COMMD1: variants seen among roughly 807,000 people sequenced by gnomAD.
COMMD1 encodes copper metabolism domain containing 1, also known as COMM domain-containing protein 1.
Under a neutral mutation model 17.2 loss-of-function variants are expected in COMMD1, and 10 were observed. That is an observed-to-expected ratio of 0.58 (90% CI 0.36 to 0.99). The LOEUF is 0.99. Ranked by LOEUF, COMMD1 falls within the 50% of genes least tolerant of loss-of-function variation. The probability of loss-of-function intolerance (pLI) is 0.01; values close to 1 mark genes in which losing one functional copy is unlikely to be tolerated. For synonymous variants in COMMD1, 97 were observed against 91.6 expected, an observed-to-expected ratio of 1.06 and a Z score of -0.34; for missense variants, 270 against 231.8, an observed-to-expected ratio of 1.17 and a Z score of -1.07.
chr2:62,110,803 G>C (rs900439374), intron 2 of COMMD1, among the ~76,000 whole-genome samples: 1 of 152,076 alleles, frequency 6.6e-6, no homozygotes, highest in African/African-American at 2.4e-5. Context: ...AAAAAATACA[G>C]ATTAACAAGA....
intron 2 of COMMD1, among the ~76,000 whole-genome samples, chr2:62,099,680 G>A (rs952207324): frequency 4.6e-5 from 7 of 151,648 alleles, no homozygotes; most frequent in African/African-American, 1.2e-4. Context: ...ACACTGAGTC[G>A]TTTCTACCCT....
intron 2 of COMMD1, among the ~76,000 whole-genome samples, chr2:62,061,090 T>C (rs1410279694): frequency 6.6e-6 from 1 of 152,334 alleles, no homozygotes; most frequent in Middle Eastern, 3.4e-3. Context: ...TTTTGAGATT[T>C]CCTATCTGTG....
At chr2:61,969,009 T>TA in intron 1 of COMMD1, 2 of 444,040 alleles carry the variant, frequency 4.5e-6, no homozygotes, top group Middle Eastern at 7.2e-4. Flanking sequence ...GTGCAATGGG[T>TA]ATTCATAGGC....
chr2:62,060,810 T>C (rs1204518277), intron 2 of COMMD1, among the ~76,000 whole-genome samples: 2 of 152,188 alleles, frequency 1.3e-5, no homozygotes, highest in Non-Finnish European at 2.9e-5. Context: ...GTTTTTGCTC[T>C]TCCCCTTTTT....
chr2:62,127,550 T>C (rs752567896), intron 2 of COMMD1, among the ~76,000 whole-genome samples: 2 of 151,998 alleles, frequency 1.3e-5, no homozygotes, highest in African/African-American at 4.8e-5. Context: ...TGGAACAGAA[T>C]AGAGAACCCA....
intron 1 of COMMD1, among the ~76,000 whole-genome samples, chr2:61,907,365 G>A (rs1178558815): frequency 6.6e-6 from 1 of 152,124 alleles, no homozygotes; most frequent in East Asian, 1.9e-4. Flanking sequence ...TCGGCCTCCC[G>A]GAGTGCCAGG....
chr2:61,982,772 A>T (rs1037992319), intron 1 of COMMD1, among the ~76,000 whole-genome samples: 1 of 152,162 alleles, frequency 6.6e-6, no homozygotes, highest in Non-Finnish European at 1.5e-5. Context: ...TCTTTTCACC[A>T]TCAATTGAAA....
intron 2 of COMMD1, among the ~76,000 whole-genome samples, chr2:62,012,025 A>G (rs1573067880): frequency 6.6e-6 from 1 of 152,024 alleles, no homozygotes; most frequent in South Asian, 2.1e-4. Context: ...AGGTAGGTGG[A>G]TCATTTGAGG....
intron 2 of COMMD1, among the ~76,000 whole-genome samples, chr2:62,081,585 T>G (rs1457181251): frequency 6.6e-6 from 1 of 152,130 alleles, no homozygotes; most frequent in African/African-American, 2.4e-5. Context: ...TATCCCTTGT[T>G]GCTTTACTCT....
chr2:62,042,661 G>T (rs564551785), intron 2 of COMMD1, among the ~76,000 whole-genome samples: 1 of 152,332 alleles, frequency 6.6e-6, no homozygotes, highest in African/African-American at 2.4e-5. Flanking sequence ...CAGCCCCGGC[G>T]ACGGGCTGAA....
intron 2 of COMMD1, among the ~76,000 whole-genome samples, chr2:62,121,181 C>T (rs1020428920): frequency 5.4e-5 from 8 of 149,194 alleles, no homozygotes; most frequent in African/African-American, 1.7e-4. Context: ...ACCAGCCTGG[C>T]CAACATGGTG....
chr2:62,126,545 T>A (rs983197685), intron 2 of COMMD1, among the ~76,000 whole-genome samples: 15 of 152,222 alleles, frequency 9.9e-5, no homozygotes, highest in African/African-American at 3.6e-4. Context: ...TTTTTCACAT[T>A]TGTTGGCTGC....
At chr2:62,047,835 T>C (rs927257692) in intron 2 of COMMD1, among the ~76,000 whole-genome samples, 6 of 152,226 alleles carry the variant, frequency 3.9e-5, no homozygotes, top group Non-Finnish European at 7.3e-5. Context: ...TACTGTATTA[T>C]ACCTTTTCTA....
chr2:62,066,501 T>C (rs1194908994), intron 2 of COMMD1, among the ~76,000 whole-genome samples: 3 of 150,818 alleles, frequency 2.0e-5, no homozygotes, highest in Non-Finnish European at 3.0e-5. Context: ...AGTGGTGCGA[T>C]CTCGGCTCAC....
rs370021731 is a variant in COMMD1, at chr2:61,939,943, C to G, written c.180+34085C>G. On this transcript the variant is annotated intron_variant, in intron 1 of 2. Transcript: ENST00000311832. ...CTTATGAGTATTTCCTTCTTGTATT[C>G]CCAGGTAGCAAGAGCCTGTGTAAAC... Among the ~76,000 whole-genome samples the G allele has an allele frequency of 2.9e-4, 44 of 152,292 alleles. No homozygotes were observed. In the South Asian group the frequency reaches 8.1e-3, roughly 28 times the overall value.
chr2:62,117,139 C>A (rs547235253), intron 2 of COMMD1, among the ~76,000 whole-genome samples: 1 of 152,206 alleles, frequency 6.6e-6, no homozygotes, highest in South Asian at 2.1e-4. Flanking sequence ...GAATAAGAGA[C>A]CACCTTGCCT....
In COMMD1 at chr2:62,046,864, A is replaced by G. The variant is rs577479181; in HGVS notation, c.462+45882A>G. 5.3e-5 allele frequency among the ~76,000 whole-genome samples: 8 copies of G among 152,352 alleles called. No homozygotes were observed. In the South Asian group the frequency reaches 1.7e-3, roughly 32 times the overall value. On this transcript the variant is annotated intron_variant, in intron 2 of 2. Coordinates refer to ENST00000311832, the MANE Select transcript of COMMD1 (RefSeq NM_152516.4). Reference sequence around the variant, plus strand: ...GATTTACAAAGATAAGACTAAGCAAATGAAGTTCTTGTGAAGCAAATAAAA... The same window carrying G: ...GATTTACAAAGATAAGACTAAGCAAGTGAAGTTCTTGTGAAGCAAATAAAA...
At chr2:62,037,679 G>T (rs1304235565) in intron 2 of COMMD1, among the ~76,000 whole-genome samples, 1 of 152,180 alleles carries the variant, frequency 6.6e-6, no homozygotes, top group East Asian at 1.9e-4. Context: ...GGAGGGAGAA[G>T]CCAACTGAAA....
rs1056758292 is a variant in COMMD1 at position 62,001,101 on chromosome 2, A to T, written c.462+119A>T. On this transcript the variant is annotated intron_variant, in intron 2 of 2. Coordinates refer to ENST00000311832, the MANE Select transcript of COMMD1 (RefSeq NM_152516.4). ...ACAGGAAAAGACACTGTTTCCTAGA[A>T]TCCTTTTTCAGAGGTAGAATCATCT... 20 of 1,011,728 alleles carry T rather than the reference A, an allele frequency of 2.0e-5. No homozygotes were observed. In the Middle Eastern group the frequency reaches 9.2e-4, roughly 46 times the overall value. The allele number at this position is 1,011,728 out of a possible 1,614,324, so 62.7% of individuals were successfully genotyped here.
Sources: gnomAD v4.1 joint callset for allele counts (sites outside exome capture counted in the v4.1 genomes callset) on GRCh38, gnomAD v4.1.1 for gene constraint, MANE v1.5 for transcripts, NCBI Gene and HGNC (gene_info 2026-07-23, HGNC 2026-07-21) for gene names.